CAMK4: variants seen among roughly 807,000 people sequenced by gnomAD.
CAMK4 encodes calcium/calmodulin-dependent protein kinase type IV.
Under a neutral mutation model 44.9 loss-of-function variants are expected in CAMK4, and 22 were observed. The observed-to-expected ratio is 0.49, with a 90% CI of 0.35 to 0.70. The LOEUF (loss-of-function observed/expected upper bound fraction) is 0.70, where lower values mean the gene tolerates loss of function less well. Ranked by LOEUF, CAMK4 falls within the 30% of genes least tolerant of loss-of-function variation. The probability of loss-of-function intolerance (pLI) is 0.01; values close to 1 mark genes in which losing one functional copy is unlikely to be tolerated. For synonymous variants in CAMK4, 218 were observed against 215.4 expected, an observed-to-expected ratio of 1.01 and a Z score of -0.11; for missense variants, 498 against 586.8, an observed-to-expected ratio of 0.85 and a Z score of 1.56.
chr5:111,390,785 C>A (rs1751768039), intron 4 of CAMK4, among the ~76,000 whole-genome samples: 1 of 152,104 alleles, frequency 6.6e-6, no homozygotes, highest in South Asian at 2.1e-4. Context: ...ATGACAATAT[C>A]TACAGCAAAA....
rs149988057 is a variant in CAMK4 at position 111,388,477 on chromosome 5, C to A, written c.387-6233C>A. Among the ~76,000 whole-genome samples, 417 of 152,238 alleles carry A rather than the reference C, an allele frequency of 2.7e-3. 1 individual carries two copies. Among genetic ancestry groups the A allele is most frequent in the Middle Eastern group, 0.014 (4 of 294 alleles). On this transcript the variant is annotated intron_variant, in intron 4 of 10. Transcript: ENST00000282356. The stretch of plus-strand genomic sequence containing the variant: ...CTTTCTTCTTCCATACCTATCCCGA[C>A]CCCCAACTGCCACCCTCCTTGCATC...
chr5:111,246,511 C>T (rs1749246617), intron 1 of CAMK4, among the ~76,000 whole-genome samples: 1 of 152,162 alleles, frequency 6.6e-6, no homozygotes, highest in South Asian at 2.1e-4. Context: ...CGACTTGGTA[C>T]AGATTTATTT....
At chr5:111,274,138 T>A (rs1713174404) in intron 1 of CAMK4, among the ~76,000 whole-genome samples, 1 of 152,030 alleles carries the variant, frequency 6.6e-6, no homozygotes, top group African/African-American at 2.4e-5. Context: ...ACTGAGAAGC[T>A]CCAGTCCTCA....
rs982773856 is a variant in CAMK4, at chr5:111,290,736, A to G, written c.162-53288A>G. 6.6e-6 allele frequency among the ~76,000 whole-genome samples: 1 copy of G among 152,196 alleles called. No homozygotes were observed. The highest frequency in any genetic ancestry group is 1.5e-5 in the Non-Finnish European group (1 of 68,028). ...GAGTGATGGAATCAGCAGGGAGACT[A>G]CATGGTGAGAAGTGGGAGAAGTGCT... On this transcript the variant is annotated intron_variant, in intron 1 of 10. Coordinates refer to ENST00000282356, the MANE Select transcript of CAMK4 (RefSeq NM_001744.6). This position sits in a 1 kb window ranked among gnomAD's most constrained non-coding sequence, Gnocchi z 4.5.
At chr5:111,464,118 C>T (rs1057192303) in intron 7 of CAMK4, among the ~76,000 whole-genome samples, 6 of 151,676 alleles carry the variant, frequency 4.0e-5, no homozygotes, top group Admixed American at 2.6e-4. Flanking sequence ...GAAAAATCTT[C>T]AGGGAAATAG....
Position 111,446,698 on chromosome 5 carries a change from A to T in CAMK4, c.472A>T (p.Asn158Tyr). Residue 158 changes from asparagine to tyrosine, a missense_variant, in exon 6 of 11, where the codon AAT becomes TAT. By Grantham distance (143) the Asn-to-Tyr change is moderately radical. Transcript: ENST00000282356. ...ILEAVAYLHE[N>Y]GIVHRDLKPE... ...TTTCCCTCTTTAGTATCTACATGAA[A>T]ATGGGATTGTCCATCGTGATCTCAA... The T allele has an allele frequency of 6.4e-7, 1 of 1,573,722 alleles. No individual in the cohort carries two copies. The highest frequency in any genetic ancestry group is 8.7e-7 in the Non-Finnish European group (1 of 1,149,540).
rs1296058448 is a variant in CAMK4 at position 111,482,327 on chromosome 5, A to T, written c.829-458A>T. On this transcript the variant is annotated intron_variant, in intron 9 of 10. Transcript: ENST00000282356. The surrounding 1 kb of genome is among the most constrained non-coding windows in gnomAD (Gnocchi z 4.9). ...ATAGAAACATAAGGTAGTATTCCAT[A>T]AGTTCTGGGATACTCTCCCTTTTGT... The T allele has an allele frequency of 6.6e-6, 1 of 152,582 alleles. No individual in the cohort carries two copies. The highest frequency in any genetic ancestry group is 1.9e-4 in the East Asian group (1 of 5,212). 9.5% of individuals were successfully genotyped at this position (152,582 alleles called of 1,614,324 possible). A position where few individuals can be genotyped will look rare whatever the true frequency, so the allele number is the denominator to read the frequency against.
At chr5:111,338,276 T>C (rs1275000621) in intron 1 of CAMK4, among the ~76,000 whole-genome samples, 1 of 151,212 alleles carries the variant, frequency 6.6e-6, no homozygotes, top group Non-Finnish European at 1.5e-5. Context: ...TTTTCAAGTA[T>C]ACAATACATT....
chr5:111,395,230 A>AAAAAAAAAAAAAAAG (rs1561460468), intron 5 of CAMK4, among the ~76,000 whole-genome samples: 255 of 106,330 alleles, frequency 2.4e-3, no homozygotes, highest in Non-Finnish European at 3.2e-3. Context: ...AAAAAAAAGA[A>AAAAAAAAAAAAAAAG]AAAAAAAAAG....
At chr5:111,358,417 G>A (rs951220476) in intron 2 of CAMK4, among the ~76,000 whole-genome samples, 1 of 151,932 alleles carries the variant, frequency 6.6e-6, no homozygotes, top group African/African-American at 2.4e-5. Flanking sequence ...ATATGTCACA[G>A]GATAAATTCA....
chr5:111,434,537 T>G (rs886911404), intron 5 of CAMK4, among the ~76,000 whole-genome samples: 36 of 152,220 alleles, frequency 2.4e-4, no homozygotes, highest in Non-Finnish European at 2.9e-5. Context: ...GGATGCTCCA[T>G]GGATCATGGC....
intron 2 of CAMK4, among the ~76,000 whole-genome samples, chr5:111,371,372 C>T (rs1750999411): frequency 6.6e-6 from 1 of 152,202 alleles, no homozygotes; most frequent in Non-Finnish European, 1.5e-5. Context: ...CTCAGAAAAG[C>T]TATCTTCCAC....
chr5:111,358,387 A>G (rs901916272), intron 2 of CAMK4, among the ~76,000 whole-genome samples: 3 of 151,958 alleles, frequency 2.0e-5, no homozygotes, highest in African/African-American at 4.8e-5. Flanking sequence ...TCAGATTCCA[A>G]TTTCCTTCCT....
At chr5:111,403,998 C>T (rs915225574) in intron 5 of CAMK4, among the ~76,000 whole-genome samples, 1 of 152,156 alleles carries the variant, frequency 6.6e-6, no homozygotes, top group Non-Finnish European at 1.5e-5. Context: ...TAAAAGGTTA[C>T]AGGCTGTAAG....
intron 1 of CAMK4, among the ~76,000 whole-genome samples, chr5:111,276,399 T>A (rs951356509): frequency 6.6e-6 from 1 of 152,194 alleles, no homozygotes. Flanking sequence ...TGTTTTTATT[T>A]AAAATTGTTT....
chr5:111,310,411 C>T (rs1039975479), intron 1 of CAMK4, among the ~76,000 whole-genome samples: 11 of 152,132 alleles, frequency 7.2e-5, no homozygotes, highest in African/African-American at 2.7e-4. Flanking sequence ...AGTTCCGGCA[C>T]TAATGACAAA....
chr5:111,455,366 G>T lies in CAMK4; in HGVS notation c.625+6163G>T, dbSNP rs570281067. ...TGATTCAGTCTTAAAAACTCTCATTGCTTGGTAACCAATTAATTCTGTCAT... is the reference window on the plus strand; with the variant it reads ...TGATTCAGTCTTAAAAACTCTCATTTCTTGGTAACCAATTAATTCTGTCAT... On this transcript the variant is annotated intron_variant, in intron 7 of 10. Transcript: ENST00000282356. Among the ~76,000 whole-genome samples the T allele has an allele frequency of 2.0e-5, 3 of 152,080 alleles. No homozygotes were observed. In the East Asian group the frequency reaches 5.8e-4, roughly 29 times the overall value.
intron 5 of CAMK4, among the ~76,000 whole-genome samples, chr5:111,440,289 C>T (rs1380402121): frequency 1.3e-5 from 2 of 152,112 alleles, no homozygotes; most frequent in African/African-American, 2.4e-5. Context: ...TCTGGAAGAA[C>T]TACAGAAAAT....
At chr5:111,261,199 C>T (rs141911628) in intron 1 of CAMK4, among the ~76,000 whole-genome samples, 6 of 152,312 alleles carry the variant, frequency 3.9e-5, no homozygotes, top group African/African-American at 1.4e-4. Flanking sequence ...TTCCACAGTA[C>T]TTTCCATACT....
Sources: allele counts gnomAD v4.1 joint callset (sites outside exome capture counted in the v4.1 genomes callset), GRCh38; gene constraint gnomAD v4.1.1; non-coding constraint Gnocchi (gnomAD v3.1); transcripts MANE v1.5; gene names NCBI Gene and HGNC (gene_info 2026-07-23, HGNC 2026-07-21).